RASAL2: variants seen among roughly 807,000 people sequenced by gnomAD.
RASAL2 encodes ras GTPase-activating protein nGAP.
A neutral mutation model predicts 128.9 loss-of-function variants in RASAL2; 58 were observed. The observed-to-expected ratio is 0.45, with a 90% CI of 0.36 to 0.56. The LOEUF is 0.56. Ranked by LOEUF, RASAL2 falls within the 20% of genes least tolerant of loss-of-function variation. The probability of loss-of-function intolerance (pLI) is 0.00; values close to 1 mark genes in which losing one functional copy is unlikely to be tolerated. For synonymous variants in RASAL2, 561 were observed against 580.8 expected, an observed-to-expected ratio of 0.97 and a Z score of 0.49; for missense variants, 1,360 against 1,601.6, an observed-to-expected ratio of 0.85 and a Z score of 2.57.
chr1:178,097,259 A>G (rs1444861545), intron 1 of RASAL2, among the ~76,000 whole-genome samples: 1 of 152,216 alleles, frequency 6.6e-6, no homozygotes, highest in Admixed American at 6.5e-5. Context: ...TCTAGGTTTC[A>G]GCATAAAAGT....
chr1:178,307,799 A>G (rs1270588918), intron 3 of RASAL2, among the ~76,000 whole-genome samples: 1 of 152,220 alleles, frequency 6.6e-6, no homozygotes, highest in East Asian at 1.9e-4. Flanking sequence ...TTTCTTTGAC[A>G]TTCCGGTAAA....
rs957633598 is a variant in RASAL2 at position 178,116,766 on chromosome 1, C to G, written c.202+22072C>G. Among the ~76,000 whole-genome samples the G allele has an allele frequency of 7.2e-5, 11 of 152,192 alleles. No homozygotes were observed. The South Asian group carries it at 1.0e-3, about 14-fold the overall frequency. ...CTGGGATTACATGCACCCACCACCA[C>G]GCCTGGCTAATTTTTTTGTATTTTT... On this transcript the variant is annotated intron_variant, in intron 1 of 17. Transcript: ENST00000367649.
intron 1 of RASAL2, among the ~76,000 whole-genome samples, chr1:178,248,707 T>C (rs1428263263): frequency 6.6e-6 from 1 of 152,208 alleles, no homozygotes; most frequent in African/African-American, 2.4e-5. Context: ...TATTTAGTGC[T>C]TCCTTCAGGA....
intron 14 of RASAL2, among the ~76,000 whole-genome samples, chr1:178,462,594 T>C (rs1179812291): frequency 1.3e-5 from 2 of 152,202 alleles, no homozygotes; most frequent in East Asian, 1.9e-4. Flanking sequence ...ATTTATTCTA[T>C]ATTTCTAGCC....
At chr1:178,198,066 A>G (rs1041075197) in intron 1 of RASAL2, among the ~76,000 whole-genome samples, 10 of 152,192 alleles carry the variant, frequency 6.6e-5, no homozygotes, top group Admixed American at 3.3e-4. Context: ...TCCATGGTGT[A>G]TATGTGCCAC....
At chr1:178,463,788 G>T (rs1647350685) in intron 14 of RASAL2, among the ~76,000 whole-genome samples, 2 of 152,070 alleles carry the variant, frequency 1.3e-5, no homozygotes, top group South Asian at 4.1e-4. Context: ...TATATAAATG[G>T]GCACTTTGTG....
chr1:178,373,274 C>CTTTTTTTTTTTTTTTTTTTTT lies in RASAL2; in HGVS notation c.458-16811_458-16810insTTTTTTTTTTTTTTTTTTTTT, dbSNP rs60835442. 8.7e-4 allele frequency among the ~76,000 whole-genome samples: 52 copies of CTTTTTTTTTTTTTTTTTTTTT among 60,058 alleles called. 8 individuals carry two copies. The highest frequency in any genetic ancestry group is 1.8e-3 in the African/African-American group (24 of 13,456). 39.4% of individuals were successfully genotyped at this position (60,058 alleles called of 152,430 possible). On this transcript the variant is annotated intron_variant, in intron 3 of 17. Transcript: ENST00000367649. ...TCAATCTTAGCATTCTGTTTCTTTC[C>CTTTTTTTTTTTTTTTTTTTTT]TTTTTTTTTTTTTTTGCAGTTTAGA... is the stretch of plus-strand genomic sequence containing the variant.
intron 1 of RASAL2, among the ~76,000 whole-genome samples, chr1:178,173,560 T>C (rs1661776006): frequency 6.6e-6 from 1 of 152,048 alleles, no homozygotes; most frequent in Non-Finnish European, 1.5e-5. Flanking sequence ...TCTGGGGAGA[T>C]GATTTTCAGT....
Position 178,477,337 on chromosome 1 carries a change from T to C in RASAL2, c.*4098T>C, listed in dbSNP as rs922257414. 3 of 152,208 alleles carry C rather than the reference T, an allele frequency of 2.0e-5. No individual in the cohort carries two copies. Among genetic ancestry groups the C allele is most frequent in the African/African-American group, 7.2e-5 (3 of 41,444 alleles). The allele number at this position is 152,208 out of a possible 1,614,324, so 9.4% of individuals were successfully genotyped here. A position where few individuals can be genotyped will look rare whatever the true frequency, so the allele number is the denominator to read the frequency against. On this transcript the variant is annotated 3_prime_UTR_variant, in exon 18 of 18. Coordinates refer to ENST00000367649, the MANE Select transcript of RASAL2 (RefSeq NM_170692.4). ...TTTAGTTTCTTAAAAGCAAGAAATG[T>C]TGGAGTGTTGAATTTTTAAATAGAA...
intron 1 of RASAL2, among the ~76,000 whole-genome samples, chr1:178,137,099 T>C (rs1297282913): frequency 6.6e-6 from 1 of 152,206 alleles, no homozygotes; most frequent in African/African-American, 2.4e-5. Flanking sequence ...ATAATTCTGC[T>C]TTCCAAAATT....
chr1:178,272,382 A>G (rs1371642497), intron 1 of RASAL2, among the ~76,000 whole-genome samples: 2 of 152,270 alleles, frequency 1.3e-5, no homozygotes, highest in East Asian at 3.9e-4. Flanking sequence ...TATTTTATTT[A>G]TGAATTAAGG....
At chr1:178,457,220 C>A (rs1048704452) in intron 13 of RASAL2, among the ~76,000 whole-genome samples, 1 of 152,200 alleles carries the variant, frequency 6.6e-6, no homozygotes, top group African/African-American at 2.4e-5. Context: ...TGGAGAACCT[C>A]GGTTAAAACC....
At chr1:178,407,543 C>T (rs1674073350) in intron 4 of RASAL2, among the ~76,000 whole-genome samples, 1 of 152,142 alleles carries the variant, frequency 6.6e-6, no homozygotes, top group Non-Finnish European at 1.5e-5. Context: ...AAACAATTCT[C>T]ACCTGGGTCC....
At chr1:178,228,619 G>T (rs1252909025) in intron 1 of RASAL2, among the ~76,000 whole-genome samples, 2 of 152,160 alleles carry the variant, frequency 1.3e-5, no homozygotes, top group Non-Finnish European at 2.9e-5. Flanking sequence ...CGAAACAATT[G>T]TGTTGATGGT....
At chr1:178,348,186 G>T (rs1295533753) in intron 3 of RASAL2, among the ~76,000 whole-genome samples, 1 of 152,208 alleles carries the variant, frequency 6.6e-6, no homozygotes, top group Non-Finnish European at 1.5e-5. Context: ...GTGATGTTCT[G>T]TGGTGGTGTT....
intron 3 of RASAL2, among the ~76,000 whole-genome samples, chr1:178,334,639 G>A (rs536927019): frequency 1.5e-3 from 231 of 151,970 alleles, no homozygotes; most frequent in African/African-American, 5.4e-3. Flanking sequence ...CACTGCACCC[G>A]GCCACAACTT....
chr1:178,095,288 A>G (rs1361400552), intron 1 of RASAL2, among the ~76,000 whole-genome samples: 1 of 152,196 alleles, frequency 6.6e-6, no homozygotes, highest in Non-Finnish European at 1.5e-5. Flanking sequence ...GCCACTCAGC[A>G]GGTTAAAAGT....
At position 178,331,827 on chromosome 1, in the gene RASAL2, T is replaced by G. The variant is rs573511858; in HGVS notation, c.457+31709T>G. On this transcript the variant is annotated intron_variant, in intron 3 of 17. Transcript: ENST00000367649. ...TGGTCTCAAACTCCTGACCTCATGATCCGCCTGCCTCGGCCTCCCAAAGTG... is the reference window on the plus strand; with the variant it reads ...TGGTCTCAAACTCCTGACCTCATGAGCCGCCTGCCTCGGCCTCCCAAAGTG... Among the ~76,000 whole-genome samples the G allele has an allele frequency of 3.7e-4, 57 of 152,088 alleles. No individual in the cohort carries two copies. In the South Asian group the frequency reaches 7.5e-3, roughly 20 times the overall value.
intron 1 of RASAL2, among the ~76,000 whole-genome samples, chr1:178,131,260 GCAGTGGCACAAT>G (rs1239806254): frequency 1.3e-5 from 2 of 151,844 alleles, no homozygotes; most frequent in African/African-American, 4.8e-5. Flanking sequence ...AGACTGGACT[GCAGTGGCACAAT>G]CATAGCTCAC....
Sources: allele counts gnomAD v4.1 joint callset (sites outside exome capture counted in the v4.1 genomes callset), GRCh38; gene constraint gnomAD v4.1.1; transcripts MANE v1.5; gene names NCBI Gene and HGNC (gene_info 2026-07-23, HGNC 2026-07-21).